Variants in MGAT5 observed in about 807,000 individuals in gnomAD.
MGAT5 encodes alpha-1,6-mannosylglycoprotein 6-beta-N-acetylglucosaminyltransferase, also known as alpha-1,6-mannosylglycoprotein 6-beta-N-acetylglucosaminyltransferase A.
MGAT5 carries 30 observed loss-of-function variants against 94.3 expected under a neutral mutation model. That is an observed-to-expected ratio of 0.32 (90% confidence interval 0.24 to 0.43). MGAT5 has a LOEUF of 0.43. Among genes scored for constraint, MGAT5 ranks in the 20% least tolerant of loss-of-function variants. MGAT5 has a pLI of 1.00. For synonymous variants in MGAT5, 310 were observed against 322.9 expected (o/e 0.96, Z 0.43); for missense variants, 691 against 905.5 (o/e 0.76, Z 3.04).
rs1686078244 is a variant in MGAT5, at chr2:134,451,041, A to C, written c.*2194A>C. On this transcript the variant is annotated 3_prime_UTR_variant, in exon 16 of 16. Transcript: ENST00000281923. ...GCTCTTCCAGGAGCATTGAACACTGAGGATGTCAATGCAAGTATCTGACCA... is the reference window on the plus strand; with the variant it reads ...GCTCTTCCAGGAGCATTGAACACTGCGGATGTCAATGCAAGTATCTGACCA... 1 of 151,958 alleles carries C rather than the reference A, an allele frequency of 6.6e-6. No individual in the cohort carries two copies. Among genetic ancestry groups the C allele is most frequent in the African/African-American group, 2.4e-5 (1 of 41,366 alleles). The allele number at this position is 151,958 out of a possible 1,614,324, so 9.4% of individuals were successfully genotyped here.
intron 1 of MGAT5, among the ~76,000 whole-genome samples, chr2:134,234,764 A>G (rs571138889): frequency 2.6e-5 from 4 of 152,386 alleles, no homozygotes; most frequent in African/African-American, 9.6e-5. Context: ...ATATTTGAGA[A>G]CAATACCAGC....
chr2:134,317,397 A>G, intron 2 of MGAT5, 132 bp from the exon 3 acceptor site: 2 of 526,038 alleles, frequency 3.8e-6, no homozygotes, highest in South Asian at 2.7e-5. Flanking sequence ...GAGGGGCTCC[A>G]TGTATCAGAG....
At chr2:134,275,332 G>A (rs1005762638) in intron 2 of MGAT5, among the ~76,000 whole-genome samples, 4 of 152,174 alleles carry the variant, frequency 2.6e-5, no homozygotes, top group African/African-American at 9.7e-5. Context: ...GTGGACCCTT[G>A]TCAGAAGCTA....
At chr2:134,381,510 AC>A (rs374921348) in intron 10 of MGAT5, among the ~76,000 whole-genome samples, 102 of 61,460 alleles carry the variant, frequency 1.7e-3, no homozygotes, top group Admixed American at 2.7e-3. Flanking sequence ...AGACAGACAG[AC>A]CAGACAGACA....
At chr2:134,318,561 C>G in intron 3 of MGAT5, 89 bp from the exon 4 acceptor site, 1 of 962,178 alleles carries the variant, frequency 1.0e-6, no homozygotes, top group Non-Finnish European at 1.7e-6. Context: ...GCCATTCACT[C>G]CATCTTCACC....
At chr2:134,253,059 G>A (rs1408059467), upstream of MGAT5, 1 of 152,210 alleles carries the variant, frequency 6.6e-6, no homozygotes, top group African/African-American at 2.4e-5. Flanking sequence ...CTGGGATATA[G>A]CTAGAATTTA....
chr2:134,121,459 G>A (rs1685586031), intron 1 of MGAT5, among the ~76,000 whole-genome samples: 2 of 152,348 alleles, frequency 1.3e-5, no homozygotes, highest in Non-Finnish European at 2.9e-5. Context: ...GGTGGCGCTT[G>A]CATTGTCCAG....
At chr2:134,275,787 G>T (rs1284374514) in intron 2 of MGAT5, among the ~76,000 whole-genome samples, 1 of 151,692 alleles carries the variant, frequency 6.6e-6, no homozygotes, top group Non-Finnish European at 1.5e-5. Context: ...ATGGGGTCTT[G>T]CTATGTTGCC....
intron 2 of MGAT5, among the ~76,000 whole-genome samples, chr2:134,315,430 T>C (rs541139616): frequency 2.0e-5 from 3 of 152,336 alleles, no homozygotes; most frequent in Admixed American, 6.5e-5. Flanking sequence ...ATAGGAATAA[T>C]GGTCATTGCA....
intron 1 of MGAT5, among the ~76,000 whole-genome samples, chr2:134,133,675 G>C (rs1363327164): frequency 6.6e-6 from 1 of 152,146 alleles, no homozygotes; most frequent in East Asian, 1.9e-4. Flanking sequence ...AGCAGAGAAA[G>C]GTTTAATCAA....
chr2:134,158,919 ATGC>A (rs1388512092), intron 1 of MGAT5, among the ~76,000 whole-genome samples: 4 of 152,232 alleles, frequency 2.6e-5, no homozygotes, highest in Non-Finnish European at 4.4e-5. Context: ...AGCTCTTGAA[ATGC>A]TGCGAATCTG....
At chr2:134,446,391 C>T (rs138268470) in intron 15 of MGAT5, among the ~76,000 whole-genome samples, 6 of 151,842 alleles carry the variant, frequency 4.0e-5, no homozygotes, top group African/African-American at 1.5e-4. Flanking sequence ...AGCAGTGTGC[C>T]GGCAGATGGT....
At chr2:134,227,268 G>A (rs1681113460) in intron 1 of MGAT5, among the ~76,000 whole-genome samples, 1 of 152,160 alleles carries the variant, frequency 6.6e-6, no homozygotes, top group African/African-American at 2.4e-5. Context: ...GACTGCAACA[G>A]TGAGAAACTT....
At chr2:134,412,296 C>T (rs758329712) in intron 11 of MGAT5, among the ~76,000 whole-genome samples, 1 of 152,154 alleles carries the variant, frequency 6.6e-6, no homozygotes, top group Non-Finnish European at 1.5e-5. Context: ...AAAATCAACA[C>T]CAAGATGTTG....
At chr2:134,158,888 A>G (rs934845572) in intron 1 of MGAT5, among the ~76,000 whole-genome samples, 3 of 152,144 alleles carry the variant, frequency 2.0e-5, no homozygotes, top group Non-Finnish European at 4.4e-5. Context: ...CATGATAACC[A>G]CTAGGCACAT....
chr2:134,147,149 T>A (rs759471486), intron 1 of MGAT5, among the ~76,000 whole-genome samples: 1 of 152,226 alleles, frequency 6.6e-6, no homozygotes, highest in Admixed American at 6.5e-5. Context: ...GTTTTGAAGT[T>A]CTTAGTCATT....
rs1686268740 is a variant in MGAT5 at position 134,454,496 on chromosome 2, G to A, written c.*5649G>A. The A allele has an allele frequency of 6.6e-6, 1 of 152,220 alleles. No individual in the cohort carries two copies. Among genetic ancestry groups the A allele is most frequent in the Admixed American group, 6.5e-5 (1 of 15,286 alleles). The allele number at this position is 152,220 out of a possible 1,614,324, so 9.4% of individuals were successfully genotyped here. On this transcript the variant is annotated 3_prime_UTR_variant, in exon 16 of 16. Transcript: ENST00000281923. ...TTCACTTCGGGGGTTAAGTAATGCA[G>A]GATTCTGCAAACAAGGTGTCGCCGT...
At chr2:134,342,520 G>A (rs1688688855) in intron 7 of MGAT5, among the ~76,000 whole-genome samples, 1 of 152,110 alleles carries the variant, frequency 6.6e-6, no homozygotes, top group Non-Finnish European at 1.5e-5. Context: ...GGGAGGCCAA[G>A]GTAGGTAGAT....
intron 1 of MGAT5, among the ~76,000 whole-genome samples, chr2:134,169,415 C>CAAAG (rs5834401): frequency 1.7e-5 from 1 of 58,208 alleles, no homozygotes; most frequent in African/African-American, 3.9e-5. Context: ...CACACACAGA[C>CAAAG]ACACACACAC....
Sources: gnomAD v4.1 joint callset for allele counts (sites outside exome capture counted in the v4.1 genomes callset) on GRCh38, gnomAD v4.1.1 for gene constraint, MANE v1.5 for transcripts, NCBI Gene and HGNC (gene_info 2026-07-23, HGNC 2026-07-21) for gene names.